Variants in DOCK8 observed in about 807,000 individuals in gnomAD.
DOCK8 encodes dedicator of cytokinesis protein 8.
In DOCK8, 141 loss-of-function variants were observed where a neutral mutation model predicts 245.6. That is an observed-to-expected ratio of 0.57 (90% CI 0.50 to 0.66). DOCK8 has a LOEUF of 0.66. DOCK8 is among the 30% of genes least tolerant of loss of function. The pLI, the probability that DOCK8 is intolerant of heterozygous loss-of-function variation, is 0.00. For missense variants in DOCK8, 2,965 were observed against 2,603.4 expected, an observed-to-expected ratio of 1.14 and a Z score of -3.02; for synonymous variants, 1,168 against 970.2, an observed-to-expected ratio of 1.20 and a Z score of -3.79.
In DOCK8 at chr9:326,549, G is replaced by C. The variant is rs117355988; in HGVS notation, c.894+812G>C. Among the ~76,000 whole-genome samples, 44 of 152,308 alleles carry C rather than the reference G, an allele frequency of 2.9e-4. 2 individuals are homozygous for C. The East Asian group carries it at 8.3e-3, about 29-fold the overall frequency. Reference sequence around the variant, plus strand: ...GGCCTGAGAATTTGCATTTCTAACAGTCCCCTGCTGATGCTGAAGCTACTG... The same window carrying C: ...GGCCTGAGAATTTGCATTTCTAACACTCCCCTGCTGATGCTGAAGCTACTG... On this transcript the variant is annotated intron_variant, in intron 8 of 47. Coordinates refer to ENST00000432829, the MANE Select transcript of DOCK8 (RefSeq NM_203447.4).
intron 40 of DOCK8, among the ~76,000 whole-genome samples, chr9:439,761 CAG>C (rs753818474): frequency 6.6e-6 from 1 of 151,904 alleles, no homozygotes; most frequent in Non-Finnish European, 1.5e-5. Flanking sequence ...TTTTTCCTCT[CAG>C]AGAGAAAAAA....
At chr9:370,636 C>T (rs918781408) in intron 16 of DOCK8, among the ~76,000 whole-genome samples, 17 of 152,350 alleles carry the variant, frequency 1.1e-4, no homozygotes, top group African/African-American at 2.9e-4. Flanking sequence ...AAGCACAGTC[C>T]GGCTCCCCTT....
At chr9:211,873 A>T (rs550883076), upstream of DOCK8, among the ~76,000 whole-genome samples, 105 of 152,274 alleles carry the variant, frequency 6.9e-4, no homozygotes, top group South Asian at 0.021. Flanking sequence ...GAAAATGAGG[A>T]AGTAGTGTGC....
intron 1 of DOCK8, among the ~76,000 whole-genome samples, chr9:223,264 C>T (rs960166562): frequency 5.9e-5 from 9 of 152,176 alleles, no homozygotes; most frequent in African/African-American, 2.2e-4. Context: ...ACTCCCATCT[C>T]TTCGTAAGTT....
At chr9:337,106 G>A (rs905176968) in intron 12 of DOCK8, among the ~76,000 whole-genome samples, 1 of 151,958 alleles carries the variant, frequency 6.6e-6, no homozygotes, top group African/African-American at 2.4e-5. Flanking sequence ...TCTGTGAATG[G>A]ATTAATCCAG....
Position 428,367 on chromosome 9 carries a change from C to A in DOCK8, c.4344C>A (p.Ser1448Arg), listed in dbSNP as rs1440927032. Residue 1448 changes from serine (S) to arginine (R), a missense_variant, in exon 35 of 48, where the codon AGC becomes AGA. Transcript: ENST00000432829. ...LDMQENIIQA[S>R]SALDCKDSLL... The stretch of plus-strand genomic sequence containing the variant: ...CTGTTCTTCCATTCCCCCAGGCGAG[C>A]TCGGCTCTGGACTGTAAAGACAGCC... 6.2e-7 allele frequency: 1 copy of A among 1,614,198 alleles called. No individual in the cohort carries two copies. The highest frequency in any genetic ancestry group is 8.5e-7 in the Non-Finnish European group (1 of 1,180,042).
intron 1 of DOCK8, among the ~76,000 whole-genome samples, chr9:255,462 G>A (rs1382932758): frequency 6.6e-6 from 1 of 152,114 alleles, no homozygotes; most frequent in Non-Finnish European, 1.5e-5. Context: ...GAGGTCAGGA[G>A]TTTGAGATCA....
chr9:401,489 C>A (rs1272575833), intron 26 of DOCK8, among the ~76,000 whole-genome samples: 1 of 152,114 alleles, frequency 6.6e-6, no homozygotes, highest in African/African-American at 2.4e-5. Context: ...AGGGCTGTAG[C>A]AGCTTAGGGC....
At chr9:395,569 G>A (rs1340518816) in intron 24 of DOCK8, among the ~76,000 whole-genome samples, 1 of 123,550 alleles carries the variant, frequency 8.1e-6, no homozygotes, top group Non-Finnish European at 1.8e-5. Flanking sequence ...TAGTAGTATT[G>A]CAGTGGCTGT....
chr9:327,874 C>T, intron 8 of DOCK8, 148 bp from the exon 9 acceptor site: 4 of 734,812 alleles, frequency 5.4e-6, no homozygotes, highest in South Asian at 4.5e-5. Flanking sequence ...CAGATTTATC[C>T]AGGAGCCACT....
chr9:333,444 A>AC (rs1489792481), intron 10 of DOCK8, among the ~76,000 whole-genome samples: 8 of 152,110 alleles, frequency 5.3e-5, no homozygotes, highest in African/African-American at 1.9e-4. Context: ...TGCTAAAAAT[A>AC]CAAAAAATTA....
chr9:434,360 A>G (rs369112116), intron 38 of DOCK8, among the ~76,000 whole-genome samples: 1 of 152,226 alleles, frequency 6.6e-6, no homozygotes, highest in African/African-American at 2.4e-5. Flanking sequence ...CGCGTAGTTT[A>G]AAAGTTGGTC....
chr9:426,047 T>A (rs1478355082), intron 33 of DOCK8, among the ~76,000 whole-genome samples: 2 of 152,168 alleles, frequency 1.3e-5, no homozygotes, highest in Non-Finnish European at 2.9e-5. Flanking sequence ...ACATCTTGGC[T>A]ACTGAGGCAT....
chr9:215,388 G>C (rs961088276), intron 1 of DOCK8: 1 of 1,583,740 alleles, frequency 6.3e-7, no homozygotes, highest in South Asian at 1.1e-5. Flanking sequence ...GCGCCACGGA[G>C]TGTCTCATAA....
chr9:396,549 G>T (rs2054465590), intron 24 of DOCK8, among the ~76,000 whole-genome samples: 1 of 152,170 alleles, frequency 6.6e-6, no homozygotes, highest in Admixed American at 6.5e-5. Context: ...GCAGCAAGAA[G>T]GGAGCCTCTG....
intron 1 of DOCK8, among the ~76,000 whole-genome samples, chr9:221,916 A>G (rs2046891589): frequency 6.6e-6 from 1 of 152,016 alleles, no homozygotes; most frequent in Non-Finnish European, 1.5e-5. Context: ...TGTTGATTAG[A>G]TGTAAAATGA....
intron 9 of DOCK8, among the ~76,000 whole-genome samples, chr9:331,421 A>G (rs1370007116): frequency 6.6e-6 from 1 of 152,230 alleles, no homozygotes. Flanking sequence ...GAGTAGCCTC[A>G]TGCTGCTTCC....
rs1483090983 is a variant in DOCK8 at position 379,936 on chromosome 9, G to A, written c.2605+1G>A. Reference sequence around the variant, plus strand: ...GTGCAAAGGGATGTGCCCAAGTCAGGTAGAGTTGCCCTGAGTGTGGGACTC... The same window carrying A: ...GTGCAAAGGGATGTGCCCAAGTCAGATAGAGTTGCCCTGAGTGTGGGACTC... On this transcript the variant is annotated splice_donor_variant, in intron 21 of 47. Transcript: ENST00000432829. LOFTEE classifies it high-confidence loss of function. 1 of 1,613,550 alleles carries A rather than the reference G, an allele frequency of 6.2e-7. No homozygotes were observed. Among genetic ancestry groups the A allele is most frequent in the African/African-American group, 1.3e-5 (1 of 74,948 alleles).
intron 7 of DOCK8, 108 bp from the exon 8 acceptor site, chr9:325,563 T>C: frequency 1.1e-6 from 1 of 901,900 alleles, no homozygotes; most frequent in Non-Finnish European, 1.9e-6. Context: ...TCCAAATATT[T>C]CGGGAAACTG....
Sources: allele counts gnomAD v4.1 joint callset (sites outside exome capture counted in the v4.1 genomes callset), GRCh38; gene constraint gnomAD v4.1.1; transcripts MANE v1.5; gene names NCBI Gene and HGNC (gene_info 2026-07-23, HGNC 2026-07-21).